Variants in GLIS3 observed in about 807,000 individuals in gnomAD.
The protein encoded by GLIS3 is GLIS family zinc finger 3.
In GLIS3, 53 loss-of-function variants were observed where a neutral mutation model predicts 78.6. The observed-to-expected ratio is 0.67, with a 90% confidence interval of 0.54 to 0.85. The LOEUF (loss-of-function observed/expected upper bound fraction) is 0.85, where lower values mean the gene tolerates loss of function less well. GLIS3 is among the 40% of genes least tolerant of loss of function. The pLI, the probability that GLIS3 is intolerant of heterozygous loss-of-function variation, is 0.00. For missense variants in GLIS3, 1,703 were observed against 1,231.1 expected (o/e 1.38, Z -5.74); for synonymous variants, 684 against 509.9 (o/e 1.34, Z -4.60).
intron 4 of GLIS3, among the ~76,000 whole-genome samples, chr9:4,024,383 T>C (rs1823138698): frequency 6.6e-6 from 1 of 152,202 alleles, no homozygotes; most frequent in South Asian, 2.1e-4. Flanking sequence ...ATAGAATTTA[T>C]TATTTTTTTT....
At chr9:4,364,229 C>T in the GLIS3 span, among the ~76,000 whole-genome samples, 1 of 152,152 alleles carries the variant, frequency 6.6e-6, no homozygotes, top group Non-Finnish European at 1.5e-5. Flanking sequence ...ACAAACAGAA[C>T]AACTAATCCC....
intron 2 of GLIS3, among the ~76,000 whole-genome samples, chr9:4,265,146 T>A (rs1485025958): frequency 1.5e-5 from 2 of 133,554 alleles, no homozygotes; most frequent in African/African-American, 5.8e-5. Context: ...CACTCCAAAC[T>A]GGGCAACAGA....
the GLIS3 span, among the ~76,000 whole-genome samples, chr9:4,401,562 C>A: frequency 6.8e-6 from 1 of 147,260 alleles, no homozygotes; most frequent in Non-Finnish European, 1.5e-5. Flanking sequence ...CCGTGCCTGT[C>A]CTTTCTTTCT....
At chr9:4,049,730 A>T (rs939085144) in intron 4 of GLIS3, among the ~76,000 whole-genome samples, 2 of 152,156 alleles carry the variant, frequency 1.3e-5, no homozygotes, top group East Asian at 1.9e-4. Context: ...GAATCTACAA[A>T]GAACTCAAAC....
At chr9:4,485,877 A>C in the GLIS3 span, among the ~76,000 whole-genome samples, 2 of 152,072 alleles carry the variant, frequency 1.3e-5, no homozygotes, top group Admixed American at 1.3e-4. Flanking sequence ...TCCTGCCACC[A>C]TGCCCAGCTA....
At chr9:4,421,008 G>A in the GLIS3 span, among the ~76,000 whole-genome samples, 1 of 152,168 alleles carries the variant, frequency 6.6e-6, no homozygotes, top group African/African-American at 2.4e-5. Flanking sequence ...TACCAAAGTT[G>A]CACGTTCGCT....
At chr9:3,954,307 G>A (rs1054533853) in intron 4 of GLIS3, among the ~76,000 whole-genome samples, 1 of 152,174 alleles carries the variant, frequency 6.6e-6, no homozygotes, top group Non-Finnish European at 1.5e-5. Context: ...CGATAAAGAG[G>A]CAACCCTCCT....
At chr9:3,854,628 CCGGGTTCATGCTATTCTCCTGCCTCA>C (rs1563778324) in intron 9 of GLIS3, among the ~76,000 whole-genome samples, 21 of 152,024 alleles carry the variant, frequency 1.4e-4, no homozygotes, top group Admixed American at 1.4e-3. Flanking sequence ...GTTCCGCCTC[CCGGGTTCATGCTATTCTCCTGCCTCA>C]GCCTCCCAAG....
At chr9:4,101,850 A>G (rs928363399) in intron 4 of GLIS3, among the ~76,000 whole-genome samples, 4 of 152,156 alleles carry the variant, frequency 2.6e-5, no homozygotes, top group Non-Finnish European at 5.9e-5. Flanking sequence ...CCAAAAGTGC[A>G]CCCTTTCCAC....
At chr9:4,155,507 G>A (rs1409480522) in intron 2 of GLIS3, among the ~76,000 whole-genome samples, 1 of 152,174 alleles carries the variant, frequency 6.6e-6, no homozygotes, top group African/African-American at 2.4e-5. Flanking sequence ...TTTCTTTGCT[G>A]AACTCAAAAC....
At chr9:3,964,757 GC>G (rs1316681566) in intron 4 of GLIS3, among the ~76,000 whole-genome samples, 1 of 152,290 alleles carries the variant, frequency 6.6e-6, no homozygotes, top group African/African-American at 2.4e-5. Flanking sequence ...AATAGCAAAA[GC>G]CAATACCTTT....
At chr9:3,859,800 C>T (rs1588103505) in intron 8 of GLIS3, among the ~76,000 whole-genome samples, 1 of 152,156 alleles carries the variant, frequency 6.6e-6, no homozygotes, top group East Asian at 1.9e-4. Flanking sequence ...TAAATAGGCA[C>T]ATAACAGACT....
the GLIS3 span, among the ~76,000 whole-genome samples, chr9:4,365,515 C>G: frequency 6.6e-6 from 1 of 151,624 alleles, no homozygotes; most frequent in South Asian, 2.1e-4. Flanking sequence ...AAGATCATGC[C>G]ACTGCACTCC....
chr9:4,452,441 A>G, the GLIS3 span, among the ~76,000 whole-genome samples: 1 of 152,166 alleles, frequency 6.6e-6, no homozygotes, highest in Admixed American at 6.5e-5. Flanking sequence ...CTCAGCCCCA[A>G]ACCTCCTTAA....
At chr9:4,475,654 T>C in the GLIS3 span, among the ~76,000 whole-genome samples, 2 of 152,140 alleles carry the variant, frequency 1.3e-5, no homozygotes, top group Non-Finnish European at 2.9e-5. Context: ...TATTATGATA[T>C]TGAGTAAGCA....
chr9:3,880,568 C>A (rs975188843), intron 7 of GLIS3, among the ~76,000 whole-genome samples: 3 of 152,082 alleles, frequency 2.0e-5, no homozygotes, highest in Non-Finnish European at 4.4e-5. Flanking sequence ...ACTTACTCTA[C>A]TAATATCAAA....
At chr9:4,274,306 G>T (rs1826793784) in intron 2 of GLIS3, among the ~76,000 whole-genome samples, 1 of 152,192 alleles carries the variant, frequency 6.6e-6, no homozygotes, top group South Asian at 2.1e-4. Flanking sequence ...AAAGCAAGAA[G>T]AAAGCTTTTT....
At chr9:4,470,526 CA>C in the GLIS3 span, among the ~76,000 whole-genome samples, 1 of 152,196 alleles carries the variant, frequency 6.6e-6, no homozygotes, top group Admixed American at 6.5e-5. Context: ...TCAATAGATG[CA>C]GAAAAGGCCT....
chr9:4,033,886 A>AAAAAAAAC (rs1185830960), intron 4 of GLIS3, among the ~76,000 whole-genome samples: 11 of 149,598 alleles, frequency 7.4e-5, no homozygotes, highest in African/African-American at 2.8e-4. Flanking sequence ...AAAAAAAAAA[A>AAAAAAAAC]AAAACTAGAA....
Sources: allele counts gnomAD v4.1 joint callset (sites outside exome capture counted in the v4.1 genomes callset), GRCh38; gene constraint gnomAD v4.1.1; transcripts MANE v1.5; gene names NCBI Gene and HGNC (gene_info 2026-07-23, HGNC 2026-07-21).